The following RSPO3 variants were observed in gnomAD, a reference collection of about 807,000 sequenced individuals.
RSPO3 encodes the protein R-spondin-3.
Under a neutral mutation model 36.5 loss-of-function variants are expected in RSPO3, and 17 were observed. The observed-to-expected ratio is 0.47, with a 90% CI of 0.32 to 0.70. RSPO3 has a LOEUF of 0.70. Among genes scored for constraint, RSPO3 ranks in the 30% least tolerant of loss-of-function variants. The pLI is 0.04. For synonymous variants in RSPO3, 108 were observed against 107.0 expected, an observed-to-expected ratio of 1.01 and a Z score of -0.06; for missense variants, 294 against 322.5, an observed-to-expected ratio of 0.91 and a Z score of 0.68.
intron 4 of RSPO3, among the ~76,000 whole-genome samples, chr6:127,172,264 T>A (rs1774953723): frequency 6.6e-6 from 1 of 150,824 alleles, no homozygotes; most frequent in Admixed American, 6.6e-5. Context: ...CAGACACCTG[T>A]TAATTTCCTA....
rs751901896 is a variant in RSPO3 at position 127,119,090 on chromosome 6, A to T, written c.-103A>T. The T allele has an allele frequency of 6.0e-6, 5 of 829,502 alleles. No individual in the cohort carries two copies. Among genetic ancestry groups the T allele is most frequent in the Non-Finnish European group, 9.5e-6 (5 of 527,992 alleles). 51.4% of individuals were successfully genotyped at this position (829,502 alleles called of 1,614,324 possible). A position where few individuals can be genotyped will look rare whatever the true frequency, so the allele number is the denominator to read the frequency against. On this transcript the variant is annotated 5_prime_UTR_variant, in exon 1 of 5. Coordinates refer to ENST00000356698, the MANE Select transcript of RSPO3 (RefSeq NM_032784.5). ...AGAGGAGAAGTCCCGCTGCTCGGGCACTGTCTATATACGCCTAACACCTAC... is the reference window on the plus strand; with the variant it reads ...AGAGGAGAAGTCCCGCTGCTCGGGCTCTGTCTATATACGCCTAACACCTAC...
intron 1 of RSPO3, among the ~76,000 whole-genome samples, chr6:127,133,674 T>G (rs886340034): frequency 6.6e-6 from 1 of 152,114 alleles, no homozygotes; most frequent in East Asian, 1.9e-4. Flanking sequence ...TTTAAGTTTC[T>G]TTTTGCACAT....
At chr6:127,185,986 G>T (rs1775286952) in intron 4 of RSPO3, among the ~76,000 whole-genome samples, 1 of 152,060 alleles carries the variant, frequency 6.6e-6, no homozygotes, top group South Asian at 2.1e-4. Flanking sequence ...TCTAAGACAA[G>T]CTCTTAGAAC....
chr6:127,158,046 T>C (rs1041915919), intron 4 of RSPO3, among the ~76,000 whole-genome samples: 2 of 151,054 alleles, frequency 1.3e-5, no homozygotes, highest in African/African-American at 4.8e-5. Flanking sequence ...AATAAAAATA[T>C]CTTGAAAATT....
intron 4 of RSPO3, chr6:127,192,679 C>T (rs1562256203): frequency 1.0e-6 from 1 of 985,228 alleles, no homozygotes; most frequent in Admixed American, 6.2e-5. Flanking sequence ...CTGTTTTAAT[C>T]ACTAGAATGT....
At chr6:127,128,783 A>G (rs1007747587) in intron 1 of RSPO3, among the ~76,000 whole-genome samples, 1 of 152,174 alleles carries the variant, frequency 6.6e-6, no homozygotes, top group Admixed American at 6.5e-5. Flanking sequence ...TCAAAAGAAC[A>G]GAGCAAAATG....
At chr6:127,181,880 A>G (rs1775194255) in intron 4 of RSPO3, among the ~76,000 whole-genome samples, 1 of 151,884 alleles carries the variant, frequency 6.6e-6, no homozygotes, top group Non-Finnish European at 1.5e-5. Context: ...TTGTATTGCT[A>G]TAACAGAATA....
chr6:127,121,935 C>T (rs1037301745), intron 1 of RSPO3, among the ~76,000 whole-genome samples: 4 of 152,136 alleles, frequency 2.6e-5, no homozygotes, highest in Non-Finnish European at 5.9e-5. Flanking sequence ...TTTCAATTTC[C>T]TAAGCTTAAA....
At chr6:127,155,588 G>T in intron 4 of RSPO3, 150 bp downstream of exon 4, 1 of 758,086 alleles carries the variant, frequency 1.3e-6, no homozygotes. Context: ...GTAAATTACA[G>T]AATATAGATG....
Position 127,119,174 on chromosome 6 carries a change from GA to G in RSPO3, c.-17del. 1 of 1,527,954 alleles carries G rather than the reference GA, an allele frequency of 6.5e-7. No homozygotes were observed. The highest frequency in any genetic ancestry group is 9.1e-7 in the Non-Finnish European group (1 of 1,104,406). 94.6% of individuals were successfully genotyped at this position (1,527,954 alleles called of 1,614,324 possible). A position where few individuals can be genotyped will look rare whatever the true frequency, so the allele number is the denominator to read the frequency against. ...TCAAAAGAAAGAGGAGAAAGGAAGGGAAGCATTACTGGGTTACTATGCACTT... is the reference window on the plus strand; with the variant it reads ...TCAAAAGAAAGAGGAGAAAGGAAGGGAGCATTACTGGGTTACTATGCACTT... On this transcript the variant is annotated 5_prime_UTR_variant, in exon 1 of 5. Transcript: ENST00000356698.
intron 1 of RSPO3, among the ~76,000 whole-genome samples, chr6:127,126,955 C>T (rs1399929034): frequency 6.6e-6 from 1 of 152,088 alleles, no homozygotes; most frequent in Non-Finnish European, 1.5e-5. Context: ...TTGGCATGGG[C>T]ATGGTATTAG....
chr6:127,142,582 T>A (rs1438982650), intron 1 of RSPO3, among the ~76,000 whole-genome samples: 1 of 152,208 alleles, frequency 6.6e-6, no homozygotes, highest in Non-Finnish European at 1.5e-5. Flanking sequence ...TCTAAGGGAA[T>A]GAATTACTGA....
intron 4 of RSPO3, among the ~76,000 whole-genome samples, chr6:127,185,288 T>C (rs1452201504): frequency 1.3e-5 from 2 of 152,068 alleles, no homozygotes; most frequent in Non-Finnish European, 2.9e-5. Context: ...GGAGAAAAAG[T>C]ACCTAGAACA....
At chr6:127,169,425 T>A (rs1774893073) in intron 4 of RSPO3, among the ~76,000 whole-genome samples, 1 of 151,866 alleles carries the variant, frequency 6.6e-6, no homozygotes, top group South Asian at 2.1e-4. Flanking sequence ...ATCATAGGTA[T>A]GTATAAGCTA....
intron 1 of RSPO3, among the ~76,000 whole-genome samples, chr6:127,139,085 T>G (rs1364860540): frequency 6.6e-6 from 1 of 152,214 alleles, no homozygotes; most frequent in African/African-American, 2.4e-5. Flanking sequence ...ATTGGAGCCA[T>G]GCACATAAGT....
At chr6:127,170,330 T>C (rs911078331) in intron 4 of RSPO3, among the ~76,000 whole-genome samples, 1 of 151,670 alleles carries the variant, frequency 6.6e-6, no homozygotes, top group Non-Finnish European at 1.5e-5. Flanking sequence ...ATGTGCCTTA[T>C]TGTTGGCAAA....
intron 1 of RSPO3, among the ~76,000 whole-genome samples, chr6:127,147,941 ATCACATTT>A (rs1774420749): frequency 6.6e-6 from 1 of 152,162 alleles, no homozygotes; most frequent in Non-Finnish European, 1.5e-5. Flanking sequence ...TGAGATAAGC[ATCACATTT>A]TCACCATTAT....
chr6:127,133,756 T>C (rs956262760), intron 1 of RSPO3, among the ~76,000 whole-genome samples: 1 of 152,232 alleles, frequency 6.6e-6, no homozygotes, highest in South Asian at 2.1e-4. Flanking sequence ...GGGAAAAATA[T>C]GGAAAAATCA....
At chr6:127,181,047 C>G (rs1775174986) in intron 4 of RSPO3, among the ~76,000 whole-genome samples, 1 of 151,706 alleles carries the variant, frequency 6.6e-6, no homozygotes, top group Non-Finnish European at 1.5e-5. Flanking sequence ...TTTTTTTAAG[C>G]ACACATTTTA....
Sources: allele counts gnomAD v4.1 joint callset (sites outside exome capture counted in the v4.1 genomes callset), GRCh38; gene constraint gnomAD v4.1.1; transcripts MANE v1.5; gene names NCBI Gene and HGNC (gene_info 2026-07-23, HGNC 2026-07-21).